The following NEGR1 variants were observed in gnomAD, a reference collection of about 807,000 sequenced individuals.
The protein encoded by NEGR1 is IgLON family member 4.
NEGR1 carries 10 observed loss-of-function variants against 40.9 expected under a neutral mutation model. That is an observed-to-expected ratio of 0.24 (90% CI 0.15 to 0.42). The LOEUF (loss-of-function observed/expected upper bound fraction) is 0.42, where lower values mean the gene tolerates loss of function less well. Ranked by LOEUF, NEGR1 falls within the 10% of genes least tolerant of loss-of-function variation. The pLI, the probability that NEGR1 is intolerant of heterozygous loss-of-function variation, is 1.00. For missense variants in NEGR1, 352 were observed against 438.9 expected, an observed-to-expected ratio of 0.80 and a Z score of 1.77; for synonymous variants, 185 against 166.8, an observed-to-expected ratio of 1.11 and a Z score of -0.84.
intron 1 of NEGR1, among the ~76,000 whole-genome samples, chr1:72,132,479 AAAAC>A (rs1365554330): frequency 1.3e-5 from 2 of 152,206 alleles, no homozygotes; most frequent in South Asian, 2.1e-4. Context: ...GCCATTCATG[AAAAC>A]AAACAAACAA....
At chr1:71,475,864 CA>C (rs1283030085) in intron 6 of NEGR1, among the ~76,000 whole-genome samples, 4 of 151,894 alleles carry the variant, frequency 2.6e-5, no homozygotes, top group Admixed American at 2.6e-4. Context: ...ATTTTATTCT[CA>C]TTTTTTTCTA....
chr1:72,060,982 T>A (rs922258257), intron 1 of NEGR1, among the ~76,000 whole-genome samples: 9 of 151,764 alleles, frequency 5.9e-5, no homozygotes, highest in African/African-American at 2.2e-4. Flanking sequence ...AAAACTGTAT[T>A]TTTTGCTGAG....
intron 2 of NEGR1, among the ~76,000 whole-genome samples, chr1:71,834,256 G>T (rs1200482817): frequency 6.6e-6 from 1 of 152,088 alleles, no homozygotes; most frequent in African/African-American, 2.4e-5. Flanking sequence ...TACCTGTCAA[G>T]TTCACTGGGC....
At chr1:71,519,751 A>C (rs940773628) in intron 6 of NEGR1, among the ~76,000 whole-genome samples, 1 of 150,418 alleles carries the variant, frequency 6.6e-6, no homozygotes, top group Non-Finnish European at 1.5e-5. Context: ...AAAATTAAAA[A>C]AAAACAAAAA....
chr1:72,266,757 A>ACC (rs1655657661), intron 1 of NEGR1, among the ~76,000 whole-genome samples: 1 of 150,352 alleles, frequency 6.7e-6, no homozygotes, highest in Non-Finnish European at 1.5e-5. Flanking sequence ...ACACACACAC[A>ACC]CACACACCAA....
intron 6 of NEGR1, among the ~76,000 whole-genome samples, chr1:71,539,004 G>A (rs1057310742): frequency 1.3e-5 from 2 of 151,734 alleles, no homozygotes; most frequent in African/African-American, 4.8e-5. Flanking sequence ...TCACATGGTT[G>A]TTGTTTAAAG....
intron 2 of NEGR1, among the ~76,000 whole-genome samples, chr1:71,791,457 C>A (rs1463254469): frequency 6.6e-6 from 1 of 151,920 alleles, no homozygotes; most frequent in Non-Finnish European, 1.5e-5. Context: ...GTGTTTAGAG[C>A]ATGGAAATTG....
intron 1 of NEGR1, among the ~76,000 whole-genome samples, chr1:72,108,350 T>G (rs1341790013): frequency 2.0e-5 from 3 of 151,596 alleles, no homozygotes; most frequent in Non-Finnish European, 3.0e-5. Context: ...TTCCTATAGT[T>G]GTAATTTTTC....
intron 2 of NEGR1, among the ~76,000 whole-genome samples, chr1:71,864,993 A>G (rs955147695): frequency 1.3e-5 from 2 of 152,166 alleles, no homozygotes; most frequent in African/African-American, 2.4e-5. Flanking sequence ...CACACTAAGA[A>G]CAGTTCATTG....
chr1:72,091,330 CACT>C lies in NEGR1; in HGVS notation c.177-156022_177-156020del, dbSNP rs1449510171. Among the ~76,000 whole-genome samples, 3 of 150,868 alleles carry C rather than the reference CACT, an allele frequency of 2.0e-5. No homozygotes were observed. In the East Asian group the frequency reaches 5.8e-4, roughly 29 times the overall value. ...ATCAGATTCTTTTTTCTTCCTCCAC[CACT>C]CTTTTTCTCTCTCTCAGTTTCCCTC... On this transcript the variant is annotated intron_variant, in intron 1 of 6. Transcript: ENST00000357731.
chr1:71,688,594 T>A, intron 4 of NEGR1, among the ~76,000 whole-genome samples: 1 of 151,260 alleles, frequency 6.6e-6, no homozygotes. Flanking sequence ...GTAGCTGGGA[T>A]TACAGGTGCA....
chr1:71,411,894 A>C (rs1646324450), intron 6 of NEGR1, among the ~76,000 whole-genome samples: 1 of 152,106 alleles, frequency 6.6e-6, no homozygotes, highest in African/African-American at 2.4e-5. Flanking sequence ...CCAGCTACTC[A>C]GGAAGCTGAG....
chr1:71,564,347 A>G (rs1173543127), intron 6 of NEGR1, among the ~76,000 whole-genome samples: 1 of 152,122 alleles, frequency 6.6e-6, no homozygotes, highest in Non-Finnish European at 1.5e-5. Flanking sequence ...ATAAACTGGG[A>G]AAAATCATAC....
chr1:72,127,624 A>G (rs985147265), intron 1 of NEGR1, among the ~76,000 whole-genome samples: 1 of 152,158 alleles, frequency 6.6e-6, no homozygotes, highest in African/African-American at 2.4e-5. Context: ...AGTAATTCTC[A>G]ATAAAGCCTG....
intron 2 of NEGR1, among the ~76,000 whole-genome samples, chr1:71,805,646 A>G (rs1413323403): frequency 6.6e-6 from 1 of 152,200 alleles, no homozygotes; most frequent in Non-Finnish European, 1.5e-5. Flanking sequence ...TAGATATTTC[A>G]TTGCAAGCTC....
chr1:72,045,580 T>G (rs374281287), intron 1 of NEGR1, among the ~76,000 whole-genome samples: 42 of 151,904 alleles, frequency 2.8e-4, no homozygotes, highest in African/African-American at 9.2e-4. Flanking sequence ...CCTGGTGCCA[T>G]CCATATAAGA....
At chr1:71,788,815 A>G (rs1195358402) in intron 2 of NEGR1, among the ~76,000 whole-genome samples, 1 of 152,024 alleles carries the variant, frequency 6.6e-6, no homozygotes, top group East Asian at 1.9e-4. Flanking sequence ...TATATTATTC[A>G]TTTGGTTAGA....
At chr1:72,008,982 A>G (rs1382422011) in intron 1 of NEGR1, among the ~76,000 whole-genome samples, 2 of 150,294 alleles carry the variant, frequency 1.3e-5, no homozygotes, top group Non-Finnish European at 3.0e-5. Context: ...TTCCCTAACC[A>G]CCACCTCTCA....
At chr1:71,921,639 T>A (rs946415187) in intron 2 of NEGR1, among the ~76,000 whole-genome samples, 5 of 147,634 alleles carry the variant, frequency 3.4e-5, no homozygotes, top group African/African-American at 9.9e-5. Flanking sequence ...ACATATATAT[T>A]CTTATAGATA....
Sources: gnomAD v4.1 joint callset for allele counts (sites outside exome capture counted in the v4.1 genomes callset) on GRCh38, gnomAD v4.1.1 for gene constraint, MANE v1.5 for transcripts, NCBI Gene and HGNC (gene_info 2026-07-23, HGNC 2026-07-21) for gene names.